The following PTPRN2 variants were observed in gnomAD, a reference collection of about 807,000 sequenced individuals.
PTPRN2 encodes the protein protein tyrosine phosphatase receptor type N2.
PTPRN2 carries 74 observed loss-of-function variants against 118.8 expected under a neutral mutation model. The ratio of observed to expected loss-of-function variants is 0.62; its 90% CI spans 0.52 to 0.76. The LOEUF is 0.76. PTPRN2 is among the 30% of genes least tolerant of loss of function. PTPRN2 has a pLI of 0.00. For synonymous variants in PTPRN2, 641 were observed against 608.0 expected, an observed-to-expected ratio of 1.05 and a Z score of -0.80; for missense variants, 1,481 against 1,394.4, an observed-to-expected ratio of 1.06 and a Z score of -0.99.
rs1378896748 is a variant in PTPRN2, at chr7:157,598,159, G to A, written c.2419-2844C>T. Among the ~76,000 whole-genome samples the A allele has an allele frequency of 3.3e-5, 5 of 152,208 alleles. No individual in the cohort carries two copies. Among genetic ancestry groups the A allele is most frequent in the South Asian group, 2.1e-4 (1 of 4,824 alleles). On this transcript the variant is annotated intron_variant, in intron 16 of 22. Coordinates refer to ENST00000389418, the MANE Select transcript of PTPRN2 (RefSeq NM_002847.5). The surrounding 1 kb of genome is among the most constrained non-coding windows in gnomAD (Gnocchi z 5.2). ...TGCTTTTTCCAATGAGGGCATCTGC[G>A]TGACAACCGGACATGGTGGGTGTGT...
intron 13 of PTPRN2, among the ~76,000 whole-genome samples, chr7:157,679,255 C>G (rs955658703): frequency 6.6e-6 from 1 of 152,158 alleles, no homozygotes; most frequent in Non-Finnish European, 1.5e-5. Context: ...ACAACATTTA[C>G]TAAAACAATG....
In PTPRN2 at chr7:158,544,660, A is replaced by AT. The variant is rs1367297357; in HGVS notation, c.112+42897dup. 2.0e-5 allele frequency among the ~76,000 whole-genome samples: 3 copies of AT among 151,856 alleles called. No individual in the cohort carries two copies. Among genetic ancestry groups the AT allele is most frequent in the African/African-American group, 4.8e-5 (2 of 41,354 alleles). ...TCTCAAAAAAAAAAAAAATTATGAGATTTTTTTGCAATTTTTTAAAGCTCA... is the reference window on the plus strand; with the variant it reads ...TCTCAAAAAAAAAAAAAATTATGAGATTTTTTTTGCAATTTTTTAAAGCTCA... On this transcript the variant is annotated intron_variant, in intron 1 of 22. Transcript: ENST00000389418. This position sits in a 1 kb window ranked among gnomAD's most constrained non-coding sequence, Gnocchi z 4.2.
At chr7:157,696,514 T>C in intron 12 of PTPRN2, among the ~76,000 whole-genome samples, 2 of 143,116 alleles carry the variant, frequency 1.4e-5, no homozygotes. Context: ...TACCCATGCA[T>C]ACTGGGTCTT....
intron 11 of PTPRN2, among the ~76,000 whole-genome samples, chr7:158,071,568 C>CTGTGG (rs1811696338): frequency 2.8e-4 from 2 of 7,146 alleles, no homozygotes; most frequent in Non-Finnish European, 6.4e-4. Flanking sequence ...GGAGGTGCTC[C>CTGTGG]TGGTGGAGGT....
intron 4 of PTPRN2, among the ~76,000 whole-genome samples, chr7:158,200,488 T>C (rs1224511248): frequency 1.3e-5 from 2 of 152,140 alleles, no homozygotes; most frequent in South Asian, 2.1e-4. Context: ...TTTCAGAAAG[T>C]CACAATATAA....
intron 11 of PTPRN2, among the ~76,000 whole-genome samples, chr7:158,072,215 C>T (rs1182491832): frequency 1.3e-5 from 2 of 152,060 alleles, no homozygotes; most frequent in African/African-American, 4.8e-5. Context: ...CCCAAGGACT[C>T]TTGTCCAATA....
intron 11 of PTPRN2, among the ~76,000 whole-genome samples, chr7:157,941,920 G>C (rs1467255828): frequency 6.6e-6 from 1 of 152,152 alleles, no homozygotes; most frequent in Non-Finnish European, 1.5e-5. Context: ...CTTTTGCTAA[G>C]TGGTTGGTCC....
At chr7:158,520,383 T>G (rs1436724921) in intron 1 of PTPRN2, among the ~76,000 whole-genome samples, 1 of 152,218 alleles carries the variant, frequency 6.6e-6, no homozygotes, top group Non-Finnish European at 1.5e-5. Context: ...AAAATTATTA[T>G]TTATGTCCAT....
chr7:158,046,817 C>G (rs928529530), intron 11 of PTPRN2, among the ~76,000 whole-genome samples: 2 of 152,106 alleles, frequency 1.3e-5, no homozygotes, highest in African/African-American at 2.4e-5. Flanking sequence ...AGCAATAATC[C>G]CTCATCTGCC....
chr7:158,573,312 G>C (rs968911438), intron 1 of PTPRN2, among the ~76,000 whole-genome samples: 1 of 152,200 alleles, frequency 6.6e-6, no homozygotes, highest in South Asian at 2.1e-4. Flanking sequence ...AACTTTGGGT[G>C]CTGAGGAGGC....
intron 2 of PTPRN2, among the ~76,000 whole-genome samples, chr7:158,468,746 T>C (rs1055346790): frequency 1.3e-5 from 2 of 151,598 alleles, no homozygotes; most frequent in Admixed American, 6.6e-5. Context: ...CGAGACTCTA[T>C]TGTGCATACA....
chr7:157,726,644 A>G (rs551990329), intron 12 of PTPRN2, among the ~76,000 whole-genome samples: 112 of 152,378 alleles, frequency 7.4e-4, no homozygotes, highest in African/African-American at 2.7e-3. Flanking sequence ...AAAGAAAAAA[A>G]TAGATAAATT....
At chr7:158,248,429 T>C (rs1563034825) in intron 3 of PTPRN2, among the ~76,000 whole-genome samples, 1 of 152,320 alleles carries the variant, frequency 6.6e-6, no homozygotes, top group African/African-American at 2.4e-5. Context: ...GCCAGGAAGC[T>C]TGTTTCTCAT....
intron 2 of PTPRN2, among the ~76,000 whole-genome samples, chr7:158,337,037 T>A (rs1436643312): frequency 1.5e-5 from 1 of 67,122 alleles, no homozygotes; most frequent in Non-Finnish European, 3.8e-5. Flanking sequence ...CCCACAGACA[T>A]CACTCACACC....
At chr7:157,546,805 C>T (rs977253088) in intron 22 of PTPRN2, among the ~76,000 whole-genome samples, 5 of 152,232 alleles carry the variant, frequency 3.3e-5, no homozygotes, top group Non-Finnish European at 5.9e-5. Flanking sequence ...AGTCCCAAAG[C>T]ACCTCACTTC....
At chr7:157,642,557 A>G (rs1304162706) in intron 14 of PTPRN2, among the ~76,000 whole-genome samples, 1 of 152,146 alleles carries the variant, frequency 6.6e-6, no homozygotes, top group Non-Finnish European at 1.5e-5. Context: ...GTTCCCGAGC[A>G]GCCTGTGGAC....
chr7:157,963,415 C>G lies in PTPRN2; in HGVS notation c.1724-64678G>C, dbSNP rs921151523. Among the ~76,000 whole-genome samples the G allele has an allele frequency of 1.5e-4, 23 of 152,242 alleles. 1 individual carries two copies. Among genetic ancestry groups the G allele is most frequent in the African/African-American group, 5.5e-4 (23 of 41,460 alleles). On this transcript the variant is annotated intron_variant, in intron 11 of 22. Transcript: ENST00000389418. ...GCCCTGAGTCCCAGGACTAAAATAA[C>G]TAAGAATTGGTTTGGTTTTATTATT...
intron 3 of PTPRN2, among the ~76,000 whole-genome samples, chr7:158,220,245 C>T (rs1828256871): frequency 6.6e-6 from 1 of 152,094 alleles, no homozygotes. Flanking sequence ...GAAGCATTTC[C>T]TGTGAGAACT....
chr7:157,576,814 A>C, intron 18 of PTPRN2, 35 bp from the exon 19 acceptor site: 6 of 1,541,444 alleles, frequency 3.9e-6, no homozygotes, highest in Non-Finnish European at 5.3e-6. Flanking sequence ...GGACAGAGAC[A>C]GGTGTGGACA....
Sources: allele counts gnomAD v4.1 joint callset (sites outside exome capture counted in the v4.1 genomes callset), GRCh38; gene constraint gnomAD v4.1.1; non-coding constraint Gnocchi (gnomAD v3.1); transcripts MANE v1.5; gene names NCBI Gene and HGNC (gene_info 2026-07-23, HGNC 2026-07-21).